The following TMPRSS2 variants were observed in gnomAD, a reference collection of about 807,000 sequenced individuals.
TMPRSS2 encodes the protein transmembrane protease serine 2.
TMPRSS2 carries 59 observed loss-of-function variants against 67.4 expected under a neutral mutation model. That is an observed-to-expected ratio of 0.88 (90% confidence interval 0.71 to 1.09). The LOEUF is 1.09. TMPRSS2 is among the 50% of genes least tolerant of loss of function. TMPRSS2 has a pLI of 0.00. For synonymous variants in TMPRSS2, 257 were observed against 257.0 expected (o/e 1.00, Z 0.00); for missense variants, 668 against 642.7 (o/e 1.04, Z -0.43).
chr21:41,493,868 A>G (rs1396182583), intron 3 of TMPRSS2, among the ~76,000 whole-genome samples: 1 of 152,274 alleles, frequency 6.6e-6, no homozygotes, highest in Non-Finnish European at 1.5e-5. Flanking sequence ...CCAATGAGAC[A>G]GCTCAGATAC....
intron 1 of TMPRSS2, among the ~76,000 whole-genome samples, chr21:41,503,161 A>C (rs987816713): frequency 6.6e-6 from 1 of 152,230 alleles, no homozygotes; most frequent in Non-Finnish European, 1.5e-5. Context: ...AATGAGTAAG[A>C]TGAAATTTAG....
At chr21:41,496,829 C>CTTTTTTT in intron 2 of TMPRSS2, among the ~76,000 whole-genome samples, 1 of 68,472 alleles carries the variant, frequency 1.5e-5, no homozygotes, top group Non-Finnish European at 2.6e-5. Flanking sequence ...TCTCTCTCTC[C>CTTTTTTT]TTTTTTTTTT....
chr21:41,477,115 G>C (rs2091220196), intron 7 of TMPRSS2, among the ~76,000 whole-genome samples: 1 of 152,234 alleles, frequency 6.6e-6, no homozygotes, highest in African/African-American at 2.4e-5. Flanking sequence ...GGATGAAGAG[G>C]AAGTAACTGA....
chr21:41,507,610 A>G (rs1287692627), intron 1 of TMPRSS2, among the ~76,000 whole-genome samples: 5 of 152,180 alleles, frequency 3.3e-5, no homozygotes, highest in Admixed American at 6.5e-5. Context: ...GAGTTCAGGT[A>G]ACACTGCGGG....
At chr21:41,504,113 C>A (rs1467188460) in intron 1 of TMPRSS2, among the ~76,000 whole-genome samples, 1 of 152,252 alleles carries the variant, frequency 6.6e-6, no homozygotes, top group Non-Finnish European at 1.5e-5. Context: ...ATTTTTCTAA[C>A]AAATCCAATT....
chr21:41,493,057 C>G (rs570735661), intron 3 of TMPRSS2, among the ~76,000 whole-genome samples: 2 of 152,150 alleles, frequency 1.3e-5, no homozygotes, highest in African/African-American at 2.4e-5. Flanking sequence ...GCAGCATCCC[C>G]GGTGCCTACC....
chr21:41,489,539 G>A lies in TMPRSS2; in HGVS notation c.293C>T (p.Ala98Val), dbSNP rs1349827002. ...CCAGAGTAGGCCAGCGGCCAGCGCAGCTCCCACGAGGAAGGTCCCCAGGGT... is the reference window on the plus strand; with the variant it reads ...CCAGAGTAGGCCAGCGGCCAGCGCAACTCCCACGAGGAAGGTCCCCAGGGT... The part of the protein sequence containing the change: ...TLTLGTFLVG[A>V]ALAAGLLWKF... The change falls in exon 4 of 14, where the codon GCT becomes GTT. Residue 98 changes from alanine to valine, a missense_variant. Physicochemically the swap from Ala to Val is moderately conservative, Grantham distance 64 (BLOSUM62 0). Coordinates refer to ENST00000332149, the MANE Select transcript of TMPRSS2 (RefSeq NM_005656.4). 1.2e-6 allele frequency: 2 copies of A among 1,614,156 alleles called. No individual in the cohort carries two copies. The highest frequency in any genetic ancestry group is 1.7e-6 in the Non-Finnish European group (2 of 1,180,022).
intron 13 of TMPRSS2, 79 bp downstream of exon 13, chr21:41,467,655 G>T: frequency 1.9e-6 from 3 of 1,549,948 alleles, no homozygotes; most frequent in Non-Finnish European, 2.6e-6. Context: ...GCTTCCAGCA[G>T]CAGAACCACG....
intron 8 of TMPRSS2, 90 bp from the exon 9 acceptor site, chr21:41,473,586 C>A (rs1601564852): frequency 7.1e-7 from 1 of 1,403,074 alleles, no homozygotes; most frequent in East Asian, 2.5e-5. Flanking sequence ...GTCTCCCAGG[C>A]TGCAAGGACA....
At chr21:41,469,058 G>A (rs1231957132) in intron 11 of TMPRSS2, among the ~76,000 whole-genome samples, 2 of 151,970 alleles carry the variant, frequency 1.3e-5, no homozygotes, top group African/African-American at 2.4e-5. Context: ...GCCTCCCCTC[G>A]GGCATCTTCT....
At chr21:41,502,344 G>T (rs1367874302) in intron 1 of TMPRSS2, 17 of 976,898 alleles carry the variant, frequency 1.7e-5, no homozygotes, top group Non-Finnish European at 2.1e-5. Context: ...AGATCCAGGG[G>T]TATTCTCTGC....
chr21:41,485,602 T>C lies in TMPRSS2; in HGVS notation c.445+2792A>G, dbSNP rs2091290928. On this transcript the variant is annotated intron_variant, in intron 5 of 13. Transcript: ENST00000332149. ...ACATCGAAGTTGCAGTGAGCCATGGTCATGCCTCTGCACTCCAGCCTGGGC... is the reference window on the plus strand; with the variant it reads ...ACATCGAAGTTGCAGTGAGCCATGGCCATGCCTCTGCACTCCAGCCTGGGC... Among the ~76,000 whole-genome samples, 3 of 149,420 alleles carry C rather than the reference T, an allele frequency of 2.0e-5. No homozygotes were observed. In the South Asian group the frequency reaches 6.3e-4, roughly 31 times the overall value.
chr21:41,489,483 G>A, intron 4 of TMPRSS2, 24 bp downstream of exon 4: 1 of 1,606,654 alleles, frequency 6.2e-7, no homozygotes. Flanking sequence ...AGCACATGGT[G>A]GGATCGAGGC....
Position 41,465,875 on chromosome 21 carries a change from C to T in TMPRSS2, c.*267G>A, listed in dbSNP as rs2091079117. ...AGGAAGATCTCAATGGGGCAGCCTC[C>T]ACCCCTCTCCTCCACACTTGACCGC... On this transcript the variant is annotated 3_prime_UTR_variant, in exon 14 of 14. Transcript: ENST00000332149. The T allele has an allele frequency of 1.9e-6, 1 of 532,496 alleles. No individual in the cohort carries two copies. The highest frequency in any genetic ancestry group is 2.9e-5 in the South Asian group (1 of 34,712). The allele number at this position is 532,496 out of a possible 1,614,324, so 33.0% of individuals were successfully genotyped here.
At position 41,494,450 on chromosome 21, in the gene TMPRSS2, G is replaced by A. The variant is rs149527323; in HGVS notation, c.144C>T (p.Pro48=). ...EVHPAQYYPS[P]VPQYAPRVLT... ...GGACCCTCGGGGCGTACTGGGGCAC[G>A]GGGGACGGGTAGTACTGAGCCGGAT... Residue 48 remains proline, a synonymous_variant, in exon 3 of 14, where the codon CCC becomes CCT. Transcript: ENST00000332149. The A allele has an allele frequency of 1.1e-4, 182 of 1,613,710 alleles. No homozygotes were observed. In the African/African-American group the frequency reaches 1.8e-3, roughly 16 times the overall value.
In TMPRSS2 at chr21:41,494,507, C is replaced by A. The variant is rs780345956; in HGVS notation, c.87G>T (p.Gln29His). 6.2e-7 allele frequency: 1 copy of A among 1,614,062 alleles called. No individual in the cohort carries two copies. The highest frequency in any genetic ancestry group is 1.1e-5 in the South Asian group (1 of 91,074). ...CGTAGACAGTGGGGACCACAGTGGGCTGTGCGGGATAGGGGTTTTCCGGTT... is the reference window on the plus strand; with the variant it reads ...CGTAGACAGTGGGGACCACAGTGGGATGTGCGGGATAGGGGTTTTCCGGTT... ...GYQPENPYPA[Q>H]PTVVPTVYEV... Residue 29 changes from glutamine to histidine, a missense_variant, in exon 3 of 14, where the codon CAG (glutamine) becomes CAT (histidine). By Grantham distance (24) the Gln-to-His change is conservative (BLOSUM62 0). Coordinates refer to ENST00000332149, the MANE Select transcript of TMPRSS2 (RefSeq NM_005656.4).
At chr21:41,504,994 G>C (rs1045511841) in intron 1 of TMPRSS2, among the ~76,000 whole-genome samples, 1 of 152,140 alleles carries the variant, frequency 6.6e-6, no homozygotes, top group Non-Finnish European at 1.5e-5. Flanking sequence ...GGAGTGCAGA[G>C]CAGGAGGGAC....
In TMPRSS2 at chr21:41,465,591, C is replaced by T. The variant is rs771633249; in HGVS notation, c.*551G>A. 5.5e-5 allele frequency: 13 copies of T among 234,710 alleles called. No individual in the cohort carries two copies. Among genetic ancestry groups the T allele is most frequent in the African/African-American group, 2.4e-4 (11 of 45,370 alleles). The allele number at this position is 234,710 out of a possible 1,614,324, so 14.5% of individuals were successfully genotyped here. On this transcript the variant is annotated 3_prime_UTR_variant, in exon 14 of 14. Coordinates refer to ENST00000332149, the MANE Select transcript of TMPRSS2 (RefSeq NM_005656.4). ...CTGTTCCCCTTACAAGTGACTACCA[C>T]GTCACCACCCATGAAGGGCTGGTCC...
intron 2 of TMPRSS2, among the ~76,000 whole-genome samples, chr21:41,497,416 G>C (rs929426629): frequency 6.6e-6 from 1 of 152,182 alleles, no homozygotes; most frequent in Non-Finnish European, 1.5e-5. Flanking sequence ...GGGAGTCAGA[G>C]GCTGCAATCT....
Sources: allele counts gnomAD v4.1 joint callset (sites outside exome capture counted in the v4.1 genomes callset), GRCh38; gene constraint gnomAD v4.1.1; transcripts MANE v1.5; gene names NCBI Gene and HGNC (gene_info 2026-07-23, HGNC 2026-07-21).